The following ARID5B variants were observed in gnomAD, a reference collection of about 807,000 sequenced individuals.
ARID5B encodes the protein AT-rich interactive domain-containing protein 5B.
A neutral mutation model predicts 97.2 loss-of-function variants in ARID5B; 13 were observed. The observed-to-expected ratio is 0.13, with a 90% CI of 0.09 to 0.21. ARID5B has a LOEUF of 0.21. ARID5B is among the 10% of genes least tolerant of loss of function. ARID5B has a pLI of 1.00. For missense variants in ARID5B, 1,210 were observed against 1,465.3 expected (o/e 0.83, Z 2.84); for synonymous variants, 556 against 570.3 (o/e 0.97, Z 0.36).
chr10:61,995,420 C>T (rs751745098), intron 3 of ARID5B, among the ~76,000 whole-genome samples: 1 of 152,148 alleles, frequency 6.6e-6, no homozygotes, highest in Non-Finnish European at 1.5e-5. Context: ...GACTATTTGG[C>T]TTTATTTGTT....
chr10:62,074,907 T>A (rs1265536631), intron 8 of ARID5B, among the ~76,000 whole-genome samples: 5 of 152,268 alleles, frequency 3.3e-5, no homozygotes, highest in Admixed American at 3.3e-4. Flanking sequence ...AATAACATTA[T>A]GTCTGTTGAA....
At chr10:61,907,809 T>C (rs1589213728) in intron 2 of ARID5B, among the ~76,000 whole-genome samples, 1 of 152,280 alleles carries the variant, frequency 6.6e-6, no homozygotes, top group African/African-American at 2.4e-5. Context: ...AATTTGTTTA[T>C]GGCTGCTCTC....
At chr10:62,087,233 A>G (rs1474810789) in intron 9 of ARID5B, among the ~76,000 whole-genome samples, 4 of 132,770 alleles carry the variant, frequency 3.0e-5, no homozygotes, top group African/African-American at 5.7e-5. Flanking sequence ...CAGGAGGCGG[A>G]GCTTGCAGTG....
At chr10:61,925,117 A>T (rs1369114776) in intron 2 of ARID5B, among the ~76,000 whole-genome samples, 1 of 152,110 alleles carries the variant, frequency 6.6e-6, no homozygotes, top group Non-Finnish European at 1.5e-5. Flanking sequence ...AGGCAGGATA[A>T]TCACTTGAAC....
At chr10:62,041,908 A>G (rs889076261) in intron 4 of ARID5B, among the ~76,000 whole-genome samples, 2 of 152,356 alleles carry the variant, frequency 1.3e-5, no homozygotes, top group Non-Finnish European at 1.5e-5. Flanking sequence ...CTGTGCTGTC[A>G]TGTTCAATAG....
chr10:61,971,714 T>C lies in ARID5B; in HGVS notation c.503-28377T>C, dbSNP rs571673970. Among the ~76,000 whole-genome samples, 21 of 152,324 alleles carry C rather than the reference T, an allele frequency of 1.4e-4. No individual in the cohort carries two copies. In the East Asian group the frequency reaches 2.3e-3, roughly 17 times the overall value. The stretch of plus-strand genomic sequence containing the variant: ...TTTTAACAAAGGTACCACACTAATA[T>C]ATTAAATTTTTAAATGTTTTGTGTG... On this transcript the variant is annotated intron_variant, in intron 3 of 9. Transcript: ENST00000279873.
chr10:62,005,329 G>A (rs1341539020), intron 4 of ARID5B, among the ~76,000 whole-genome samples: 2 of 152,154 alleles, frequency 1.3e-5, no homozygotes, highest in Non-Finnish European at 2.9e-5. Flanking sequence ...GTAAAATCGG[G>A]TAATAACAGC....
intron 2 of ARID5B, among the ~76,000 whole-genome samples, chr10:61,938,408 C>A (rs1489308628): frequency 6.6e-6 from 1 of 152,156 alleles, no homozygotes; most frequent in African/African-American, 2.4e-5. Flanking sequence ...GAGACTGATA[C>A]ACCTAATTAT....
At chr10:62,043,310 A>G (rs1435135616) in intron 4 of ARID5B, among the ~76,000 whole-genome samples, 2 of 152,220 alleles carry the variant, frequency 1.3e-5, no homozygotes, top group Admixed American at 1.3e-4. Context: ...TTTCTCAAGC[A>G]GTAGTGAAAA....
intron 4 of ARID5B, among the ~76,000 whole-genome samples, chr10:62,046,199 T>TA (rs559793249): frequency 4.0e-5 from 6 of 151,834 alleles, no homozygotes; most frequent in Non-Finnish European, 7.4e-5. Context: ...TAAATGCTAT[T>TA]AAAAAAAAGA....
At chr10:61,993,083 A>T (rs887555522) in intron 3 of ARID5B, among the ~76,000 whole-genome samples, 4 of 151,370 alleles carry the variant, frequency 2.6e-5, no homozygotes, top group African/African-American at 9.7e-5. Context: ...TTGTTTTGGC[A>T]TGCCTCCAAT....
intron 4 of ARID5B, among the ~76,000 whole-genome samples, chr10:62,039,354 C>G (rs1295641446): frequency 2.0e-5 from 3 of 152,196 alleles, no homozygotes; most frequent in African/African-American, 7.2e-5. Flanking sequence ...TGGTCTAAGC[C>G]TTTCTGCATG....
chr10:62,004,554 G>A (rs994097930), intron 4 of ARID5B, among the ~76,000 whole-genome samples: 11 of 152,158 alleles, frequency 7.2e-5, no homozygotes, highest in East Asian at 3.9e-4. Flanking sequence ...TGCCTCCACC[G>A]TCCTGTTAGA....
intron 3 of ARID5B, among the ~76,000 whole-genome samples, chr10:61,947,129 C>T (rs970610268): frequency 1.3e-5 from 2 of 152,146 alleles, no homozygotes; most frequent in Non-Finnish European, 2.9e-5. Context: ...ACCCACATGA[C>T]TCTTCAAGAG....
chr10:62,048,827 A>T (rs1308699619), intron 4 of ARID5B, among the ~76,000 whole-genome samples: 1 of 152,246 alleles, frequency 6.6e-6, no homozygotes, highest in Non-Finnish European at 1.5e-5. Flanking sequence ...CTTTTCACCA[A>T]AATGCTAGGA....
rs1473403950 is a variant in ARID5B, at chr10:62,096,799, AT to A, written c.*3773del. 4 of 233,592 alleles carry A rather than the reference AT, an allele frequency of 1.7e-5. No individual in the cohort carries two copies. Among genetic ancestry groups the A allele is most frequent in the South Asian group, 3.6e-4 (2 of 5,530 alleles). 14.5% of individuals were successfully genotyped at this position (233,592 alleles called of 1,614,324 possible). ...ATGCTGAGCCAACTATAAACACTCA[AT>A]TTTGTATGTTTTCCAAATTGTACTT... On this transcript the variant is annotated 3_prime_UTR_variant, in exon 10 of 10. Coordinates refer to ENST00000279873, the MANE Select transcript of ARID5B (RefSeq NM_032199.3).
chr10:62,080,755 G>A (rs1840201412), intron 8 of ARID5B, among the ~76,000 whole-genome samples: 1 of 151,908 alleles, frequency 6.6e-6, no homozygotes, highest in African/African-American at 2.4e-5. Context: ...TGAAGTCCCA[G>A]TTGAACCAAT....
Position 62,091,764 on chromosome 10 carries a change from G to C in ARID5B, c.2301G>C (p.Lys767Asn). 6.2e-7 allele frequency: 1 copy of C among 1,614,068 alleles called. No homozygotes were observed. The highest frequency in any genetic ancestry group is 8.5e-7 in the Non-Finnish European group (1 of 1,180,006). ...GAAGCAAGCCCTCGGAAGAGAGAAA[G>C]ACCATCAATGACATCTTTAAGCATG... ...SFRSKPSEER[K>N]TINDIFKHEK... The change falls in exon 10 of 10, where the codon AAG becomes AAC. Residue 767 changes from lysine to asparagine, a missense_variant. Physicochemically the swap from Lys to Asn is moderately conservative, Grantham distance 94 (BLOSUM62 0). This residue lies in a region of ARID5B where 800 missense variants were observed against 839.1 expected (regional missense o/e 0.95). Transcript: ENST00000279873.
At chr10:62,085,231 GCTAGTACCTA>G (rs2132976676) in intron 8 of ARID5B, among the ~76,000 whole-genome samples, 1 of 152,340 alleles carries the variant, frequency 6.6e-6, no homozygotes, top group African/African-American at 2.4e-5. Flanking sequence ...CCTGGCACAT[GCTAGTACCTA>G]CTAGAATATA....
Sources: allele counts gnomAD v4.1 joint callset (sites outside exome capture counted in the v4.1 genomes callset), GRCh38; gene constraint gnomAD v4.1.1; regional missense constraint gnomAD v4.1.1; transcripts MANE v1.5; gene names NCBI Gene and HGNC (gene_info 2026-07-23, HGNC 2026-07-21).